HMOX2: variants seen among roughly 807,000 people sequenced by gnomAD.
HMOX2 encodes the protein heme oxygenase (decycling) 2.
Under a neutral mutation model 33.7 loss-of-function variants are expected in HMOX2, and 30 were observed. The observed-to-expected ratio is 0.89, with a 90% CI of 0.67 to 1.21. HMOX2 has a LOEUF of 1.21. HMOX2 is among the 50% of genes most tolerant of loss of function. HMOX2 has a pLI of 0.00. For missense variants in HMOX2, 403 were observed against 399.1 expected, an observed-to-expected ratio of 1.01 and a Z score of -0.08; for synonymous variants, 155 against 155.0, an observed-to-expected ratio of 1.00 and a Z score of 0.00.
At chr16:4,500,064 A>G (rs1226538759) in intron 1 of HMOX2, among the ~76,000 whole-genome samples, 2 of 152,148 alleles carry the variant, frequency 1.3e-5, no homozygotes, top group African/African-American at 2.4e-5. Flanking sequence ...TATAAGTCAT[A>G]TTGGACCCTG....
At chr16:4,501,525 A>G (rs186396880) in intron 1 of HMOX2, among the ~76,000 whole-genome samples, 167 of 151,926 alleles carry the variant, frequency 1.1e-3, no homozygotes, top group Non-Finnish European at 1.8e-3. Context: ...TACTATTACT[A>G]TTTCTTGAAG....
chr16:4,492,808 G>A (rs1285228022), intron 1 of HMOX2, among the ~76,000 whole-genome samples: 2 of 152,038 alleles, frequency 1.3e-5, no homozygotes, highest in Admixed American at 1.3e-4. Context: ...AGGCCGAGGC[G>A]GGCGGATCAC....
At chr16:4,475,761 A>T (rs2057805841), upstream of HMOX2, among the ~76,000 whole-genome samples, 1 of 151,074 alleles carries the variant, frequency 6.6e-6, no homozygotes, top group African/African-American at 2.4e-5. Flanking sequence ...AACATGGTGA[A>T]ACCCCCGTCT....
chr16:4,487,675 C>G (rs1423442676), intron 1 of HMOX2, among the ~76,000 whole-genome samples: 1 of 152,102 alleles, frequency 6.6e-6, no homozygotes, highest in African/African-American at 2.4e-5. Context: ...TGGCTGGCGC[C>G]TGTAGTCCCA....
intron 1 of HMOX2, among the ~76,000 whole-genome samples, chr16:4,484,293 A>T (rs2058107449): frequency 6.6e-6 from 1 of 151,878 alleles, no homozygotes; most frequent in African/African-American, 2.4e-5. Context: ...CAAATTTTAA[A>T]GGAGGCACCA....
At chr16:4,482,630 T>C (rs1301239384) in intron 1 of HMOX2, among the ~76,000 whole-genome samples, 1 of 152,186 alleles carries the variant, frequency 6.6e-6, no homozygotes, top group Non-Finnish European at 1.5e-5. Context: ...AAATCGAAAG[T>C]TCTGACAATC....
At chr16:4,500,710 G>T (rs2141588903) in intron 1 of HMOX2, among the ~76,000 whole-genome samples, 1 of 152,292 alleles carries the variant, frequency 6.6e-6, no homozygotes, top group East Asian at 1.9e-4. Flanking sequence ...AGTCTCCATG[G>T]AGGAGGATTT....
intron 1 of HMOX2, among the ~76,000 whole-genome samples, chr16:4,483,162 TGTGTGTGTGTGTGTGTGTGTGTGTGTG>T (rs2058074712): frequency 6.5e-3 from 1 of 154 alleles, no homozygotes; most frequent in Admixed American, 0.033. Context: ...CAAACCCTGG[TGTGTGTGTGTGTGTGTGTGTGTGTGTG>T]TGTGTGTGTG....
chr16:4,500,998 A>C (rs2141589574), intron 1 of HMOX2, among the ~76,000 whole-genome samples: 1 of 152,298 alleles, frequency 6.6e-6, no homozygotes, highest in South Asian at 2.1e-4. Context: ...GAAATGGGAA[A>C]GAGAGAGGGT....
Position 4,509,942 on chromosome 16 carries a change from G to T in HMOX2, c.*186G>T, listed in dbSNP as rs72563742. On this transcript the variant is annotated 3_prime_UTR_variant, in exon 6 of 6. Coordinates refer to ENST00000570646, the MANE Select transcript of HMOX2 (RefSeq NM_002134.4). Reference sequence around the variant, plus strand: ...GCATCCTCTCTATGGGCCATATTCCGCACTGGGCACAGGCCGTCACCCTGG... The same window carrying T: ...GCATCCTCTCTATGGGCCATATTCCTCACTGGGCACAGGCCGTCACCCTGG... 2 of 661,074 alleles carry T rather than the reference G, an allele frequency of 3.0e-6. No homozygotes were observed. The highest frequency in any genetic ancestry group is 5.1e-6 in the Non-Finnish European group (2 of 392,912). The allele number at this position is 661,074 out of a possible 1,614,324, so 41.0% of individuals were successfully genotyped here.
intron 1 of HMOX2, among the ~76,000 whole-genome samples, chr16:4,485,491 A>T (rs1347093167): frequency 6.6e-6 from 1 of 152,096 alleles, no homozygotes; most frequent in Non-Finnish European, 1.5e-5. Flanking sequence ...GGTTTATGAG[A>T]GTTTTGAGAG....
At position 4,477,836 on chromosome 16, in the gene HMOX2, A is replaced by C. The variant is rs529667135; in HGVS notation, c.-42+1349A>C. Among the ~76,000 whole-genome samples the C allele has an allele frequency of 4.6e-5, 7 of 152,104 alleles. No individual in the cohort carries two copies. In the East Asian group the frequency reaches 1.4e-3, roughly 30 times the overall value. On this transcript the variant is annotated intron_variant, in intron 1 of 5. Coordinates refer to ENST00000570646, the MANE Select transcript of HMOX2 (RefSeq NM_002134.4). ...CTGGGGAGTTTGAGGTTGGAGGATC[A>C]CTTGAGCCCACGAAGTGGAGATTGC...
At chr16:4,501,923 C>G (rs2058569036) in intron 1 of HMOX2, among the ~76,000 whole-genome samples, 1 of 152,178 alleles carries the variant, frequency 6.6e-6, no homozygotes, top group Non-Finnish European at 1.5e-5. Flanking sequence ...CCCCCAGCCC[C>G]CAGGTCTGTA....
intron 1 of HMOX2, among the ~76,000 whole-genome samples, chr16:4,500,835 T>G (rs2058540602): frequency 6.6e-6 from 1 of 152,178 alleles, no homozygotes; most frequent in Non-Finnish European, 1.5e-5. Context: ...GAACCTCTTT[T>G]GCTTGAAGTA....
chr16:4,485,583 A>G (rs2058147269), intron 1 of HMOX2, among the ~76,000 whole-genome samples: 1 of 152,200 alleles, frequency 6.6e-6, no homozygotes, highest in Non-Finnish European at 1.5e-5. Context: ...GGAAGGGAAG[A>G]GAAGGAAGGA....
chr16:4,505,660 C>G, intron 2 of HMOX2, 50 bp downstream of exon 2: 1 of 1,296,524 alleles, frequency 7.7e-7, no homozygotes. Flanking sequence ...CAGCACCTGT[C>G]GTGCTCAGCA....
chr16:4,502,086 G>A (rs554833473), intron 1 of HMOX2, among the ~76,000 whole-genome samples: 19 of 152,272 alleles, frequency 1.2e-4, no homozygotes, highest in Non-Finnish European at 1.6e-4. Flanking sequence ...CACCATGCCT[G>A]GCTCATTTTT....
chr16:4,508,045 C>A lies in HMOX2; in HGVS notation c.537C>A (p.Ser179Arg). The change falls in exon 4 of 6, where the codon AGC becomes AGA. Residue 179 changes from serine to arginine, a missense_variant. Coordinates refer to ENST00000570646, the MANE Select transcript of HMOX2 (RefSeq NM_002134.4). Reference sequence around the variant, plus strand: ...CCCAGCGAGCACTGAAACTCCCCAGCACAGGGGAAGGGACCCAGTTCTACC... The same window carrying A: ...CCCAGCGAGCACTGAAACTCCCCAGAACAGGGGAAGGGACCCAGTTCTACC... ...KVAQRALKLP[S>R]TGEGTQFYLF... 1 of 1,614,088 alleles carries A rather than the reference C, an allele frequency of 6.2e-7. No individual in the cohort carries two copies. The highest frequency in any genetic ancestry group is 8.5e-7 in the Non-Finnish European group (1 of 1,180,006).
chr16:4,498,573 C>A (rs2058480764), intron 1 of HMOX2, among the ~76,000 whole-genome samples: 1 of 152,032 alleles, frequency 6.6e-6, no homozygotes, highest in Admixed American at 6.6e-5. Context: ...CAAGGTCTGA[C>A]TGTGTTGCCC....
Sources: gnomAD v4.1 joint callset for allele counts (sites outside exome capture counted in the v4.1 genomes callset) on GRCh38, gnomAD v4.1.1 for gene constraint, MANE v1.5 for transcripts, NCBI Gene and HGNC (gene_info 2026-07-23, HGNC 2026-07-21) for gene names.